The following CAST variants were observed in gnomAD, a reference collection of about 807,000 sequenced individuals.
The protein encoded by CAST is MIR583 host.
Under a neutral mutation model 119.6 loss-of-function variants are expected in CAST, and 76 were observed. The observed-to-expected ratio is 0.64, with a 90% confidence interval of 0.53 to 0.77. CAST has a LOEUF of 0.77. CAST is among the 30% of genes least tolerant of loss of function. The pLI, the probability that CAST is intolerant of heterozygous loss-of-function variation, is 0.00. For missense variants in CAST, 953 were observed against 946.5 expected (o/e 1.01, Z -0.09); for synonymous variants, 319 against 331.6 (o/e 0.96, Z 0.41).
At chr5:96,578,635 T>G (rs1746717645) in intron 1 of CAST, among the ~76,000 whole-genome samples, 1 of 152,254 alleles carries the variant, frequency 6.6e-6, no homozygotes, top group African/African-American at 2.4e-5. Flanking sequence ...AATTTATTGT[T>G]GAAACATTTT....
chr5:96,038,688 A>G, the CAST span, among the ~76,000 whole-genome samples: 1 of 152,110 alleles, frequency 6.6e-6, no homozygotes, highest in African/African-American at 2.4e-5. Flanking sequence ...ATGTCCCTGC[A>G]AAGGACATGA....
the CAST span, among the ~76,000 whole-genome samples, chr5:96,453,215 A>T: frequency 4.6e-5 from 7 of 152,170 alleles, no homozygotes; most frequent in Admixed American, 4.6e-4. Flanking sequence ...TGCCAATTGG[A>T]TACTTGTTTT....
At chr5:96,222,241 A>G in the CAST span, among the ~76,000 whole-genome samples, 1 of 152,156 alleles carries the variant, frequency 6.6e-6, no homozygotes, top group Non-Finnish European at 1.5e-5. Flanking sequence ...ACAGCCAACT[A>G]AAACAAAAAT....
At chr5:96,604,327 T>C (rs1387447689) in intron 1 of CAST, among the ~76,000 whole-genome samples, 1 of 152,196 alleles carries the variant, frequency 6.6e-6, no homozygotes, top group Non-Finnish European at 1.5e-5. Flanking sequence ...TTCCATCATG[T>C]CTGGAATAAG....
the CAST span, among the ~76,000 whole-genome samples, chr5:96,516,599 G>A: frequency 6.6e-6 from 1 of 152,162 alleles, no homozygotes. Context: ...TGTTTTTAAA[G>A]AAGAAATGCA....
chr5:96,001,492 A>C, the CAST span, among the ~76,000 whole-genome samples: 2 of 152,302 alleles, frequency 1.3e-5, no homozygotes, highest in South Asian at 4.1e-4. Context: ...TTGGATAATG[A>C]GATTTCTTCA....
At chr5:96,710,819 A>G (rs1420396899) in intron 3 of CAST, among the ~76,000 whole-genome samples, 1 of 152,106 alleles carries the variant, frequency 6.6e-6, no homozygotes, top group Non-Finnish European at 1.5e-5. Flanking sequence ...TTAATCAATT[A>G]GTTAATTATA....
the CAST span, among the ~76,000 whole-genome samples, chr5:96,450,533 C>A: frequency 6.6e-6 from 1 of 152,200 alleles, no homozygotes; most frequent in Non-Finnish European, 1.5e-5. Context: ...GCCCAGACTT[C>A]ACTACCAGGC....
chr5:96,127,044 A>G, the CAST span, among the ~76,000 whole-genome samples: 1 of 152,250 alleles, frequency 6.6e-6, no homozygotes, highest in Non-Finnish European at 1.5e-5. Flanking sequence ...CTTCGTTGGC[A>G]ATGGTATTTG....
intron 1 of CAST, among the ~76,000 whole-genome samples, chr5:96,644,578 A>G (rs1031169643): frequency 4.6e-5 from 7 of 152,228 alleles, no homozygotes; most frequent in Non-Finnish European, 2.9e-5. Flanking sequence ...TGGAGAATCC[A>G]CCTATAATCC....
the CAST span, among the ~76,000 whole-genome samples, chr5:96,016,297 C>A: frequency 6.6e-6 from 1 of 152,228 alleles, no homozygotes; most frequent in African/African-American, 2.4e-5. Flanking sequence ...TCTAAGTCCA[C>A]AGCTCAAGTA....
chr5:96,219,166 G>A, the CAST span, among the ~76,000 whole-genome samples: 4 of 152,220 alleles, frequency 2.6e-5, no homozygotes, highest in Non-Finnish European at 2.9e-5. Context: ...TGTCATGACA[G>A]ATATATAATG....
At chr5:96,730,948 C>A (rs151904) in intron 9 of CAST, 88 bp downstream of exon 9, 4 of 1,017,084 alleles carry the variant, frequency 3.9e-6, no homozygotes, top group Non-Finnish European at 6.2e-6. Flanking sequence ...AACCTATCAT[C>A]TGGCAAAACT....
chr5:96,583,431 G>C (rs1473199401), intron 1 of CAST, among the ~76,000 whole-genome samples: 1 of 152,098 alleles, frequency 6.6e-6, no homozygotes, highest in African/African-American at 2.4e-5. Context: ...ACAAGGTCTG[G>C]AGTTTAAGCA....
chr5:96,516,270 G>GA, the CAST span, among the ~76,000 whole-genome samples: 1 of 151,876 alleles, frequency 6.6e-6, no homozygotes, highest in Non-Finnish European at 1.5e-5. Context: ...AACTGAAATG[G>GA]AAAAACCAAT....
chr5:96,309,574 C>T, the CAST span, among the ~76,000 whole-genome samples: 405 of 152,338 alleles, frequency 2.7e-3, 1 homozygote, highest in African/African-American at 9.5e-3. Context: ...ACCCAGGGCC[C>T]TGGTGGCATA....
At chr5:95,986,908 T>C in the CAST span, among the ~76,000 whole-genome samples, 1 of 152,096 alleles carries the variant, frequency 6.6e-6, no homozygotes, top group Admixed American at 6.5e-5. Flanking sequence ...GAGTAAAAAA[T>C]GCTGCACAGA....
chr5:96,673,804 A>G (rs1750390052), intron 1 of CAST, among the ~76,000 whole-genome samples: 1 of 152,250 alleles, frequency 6.6e-6, no homozygotes, highest in African/African-American at 2.4e-5. Context: ...CATTTTTAAA[A>G]GATTCATTTA....
chr5:96,404,388 A>G, the CAST span, among the ~76,000 whole-genome samples: 2 of 152,192 alleles, frequency 1.3e-5, no homozygotes, highest in Non-Finnish European at 2.9e-5. Context: ...CTGCATGTTA[A>G]ATAAACTCCC....
Sources: gnomAD v4.1 joint callset for allele counts (sites outside exome capture counted in the v4.1 genomes callset) on GRCh38, gnomAD v4.1.1 for gene constraint, MANE v1.5 for transcripts, NCBI Gene and HGNC (gene_info 2026-07-23, HGNC 2026-07-21) for gene names.